Variants in PPM1L observed in about 807,000 individuals in gnomAD.
PPM1L encodes protein phosphatase, Mg2+/Mn2+ dependent 1L, also known as protein phosphatase 1L.
In PPM1L, 13 loss-of-function variants were observed where a neutral mutation model predicts 31.4. The observed-to-expected ratio is 0.41, with a 90% confidence interval of 0.27 to 0.66. The LOEUF (loss-of-function observed/expected upper bound fraction) is 0.66, where lower values mean the gene tolerates loss of function less well. PPM1L is among the 30% of genes least tolerant of loss of function. The pLI is 0.29. For synonymous variants in PPM1L, 184 were observed against 175.4 expected (o/e 1.05, Z -0.39); for missense variants, 326 against 453.7 (o/e 0.72, Z 2.56).
intron 2 of PPM1L, among the ~76,000 whole-genome samples, chr3:160,967,819 C>A (rs554492254): frequency 1.8e-4 from 28 of 152,140 alleles, no homozygotes; most frequent in Non-Finnish European, 3.1e-4. Flanking sequence ...ATATACGTGA[C>A]CTTGAGCAAG....
chr3:160,802,764 A>G (rs1271813870), intron 1 of PPM1L, among the ~76,000 whole-genome samples: 1 of 152,350 alleles, frequency 6.6e-6, no homozygotes, highest in African/African-American at 2.4e-5. Flanking sequence ...TTTCACTTTT[A>G]TCTTGGCAAA....
At chr3:160,783,239 T>A (rs1711798997) in intron 1 of PPM1L, among the ~76,000 whole-genome samples, 2 of 152,178 alleles carry the variant, frequency 1.3e-5, no homozygotes, top group Admixed American at 1.3e-4. Flanking sequence ...CCTGCAGTTA[T>A]ATTAGCACAT....
At chr3:160,969,270 C>T (rs149025810) in intron 2 of PPM1L, among the ~76,000 whole-genome samples, 2 of 152,266 alleles carry the variant, frequency 1.3e-5, no homozygotes, top group Admixed American at 6.5e-5. Context: ...TTTTTAAAAG[C>T]GTGGAGGAAT....
In PPM1L at chr3:161,034,515, A is replaced by G. The variant is rs184361264; in HGVS notation, c.575-30888A>G. ...CACCATATAATACCATGCAGCCATA[A>G]AGAAGGATGAGTTCATGTCCTTTGC... On this transcript the variant is annotated intron_variant, in intron 2 of 3. Coordinates refer to ENST00000498165, the MANE Select transcript of PPM1L (RefSeq NM_139245.4). Among the ~76,000 whole-genome samples the G allele has an allele frequency of 3.3e-5, 5 of 152,320 alleles. No homozygotes were observed. In the East Asian group the frequency reaches 7.7e-4, roughly 24 times the overall value.
intron 1 of PPM1L, among the ~76,000 whole-genome samples, chr3:160,915,915 G>A (rs572803512): frequency 6.6e-6 from 1 of 152,054 alleles, no homozygotes; most frequent in East Asian, 1.9e-4. Flanking sequence ...AATTCAAGAT[G>A]GATTAAAGAC....
At chr3:160,764,460 C>T (rs961852453) in intron 1 of PPM1L, among the ~76,000 whole-genome samples, 37 of 147,888 alleles carry the variant, frequency 2.5e-4, no homozygotes, top group African/African-American at 8.2e-4. Context: ...TTTAATTCTC[C>T]CTCTCTCTCT....
At chr3:160,967,131 A>G (rs188140733) in intron 2 of PPM1L, among the ~76,000 whole-genome samples, 1 of 151,928 alleles carries the variant, frequency 6.6e-6, no homozygotes, top group Non-Finnish European at 1.5e-5. Context: ...TGATGGTTTT[A>G]TAAAGGGAAG....
intron 3 of PPM1L, among the ~76,000 whole-genome samples, chr3:161,068,132 A>G (rs1719793895): frequency 6.6e-6 from 1 of 152,200 alleles, no homozygotes; most frequent in South Asian, 2.1e-4. Flanking sequence ...ATGTTCAGGG[A>G]CTGTGCCAAA....
chr3:160,997,122 A>G (rs1717348293), intron 2 of PPM1L, among the ~76,000 whole-genome samples: 1 of 152,072 alleles, frequency 6.6e-6, no homozygotes, highest in Admixed American at 6.6e-5. Flanking sequence ...GTGGTTGGAG[A>G]GAGAGATTTT....
At chr3:161,019,630 A>G (rs755778098) in intron 2 of PPM1L, among the ~76,000 whole-genome samples, 27 of 152,176 alleles carry the variant, frequency 1.8e-4, no homozygotes, top group Non-Finnish European at 3.1e-4. Context: ...TAGCAGTAAG[A>G]GTTTTGTATA....
rs541346593 is a variant in PPM1L at position 161,015,202 on chromosome 3, C to T, written c.575-50201C>T. Among the ~76,000 whole-genome samples the T allele has an allele frequency of 2.6e-4, 40 of 152,118 alleles. No individual in the cohort carries two copies. The East Asian group carries it at 4.6e-3, about 18-fold the overall frequency. ...TTCTATTTTTAAATTAATAATCATG[C>T]GCTATCCTTCCTTCCCCTAAACCAG... On this transcript the variant is annotated intron_variant, in intron 2 of 3. Transcript: ENST00000498165.
chr3:161,040,280 T>C (rs1445466299), intron 2 of PPM1L, among the ~76,000 whole-genome samples: 1 of 152,190 alleles, frequency 6.6e-6, no homozygotes, highest in Non-Finnish European at 1.5e-5. Flanking sequence ...GTACAATACA[T>C]AGTTTGATCA....
At chr3:160,957,926 T>C (rs1715833685) in intron 1 of PPM1L, among the ~76,000 whole-genome samples, 1 of 152,196 alleles carries the variant, frequency 6.6e-6, no homozygotes, top group Non-Finnish European at 1.5e-5. Context: ...ATGTTGAGCT[T>C]TTTTTCATGA....
intron 2 of PPM1L, among the ~76,000 whole-genome samples, chr3:161,005,654 A>G (rs1460615920): frequency 6.6e-6 from 1 of 152,174 alleles, no homozygotes; most frequent in Admixed American, 6.5e-5. Flanking sequence ...GAAATCAAAC[A>G]GTGGTATATA....
At chr3:160,814,494 CACATATATGTATGTGTATATATAT>C (rs1712905077) in intron 1 of PPM1L, among the ~76,000 whole-genome samples, 5 of 145,080 alleles carry the variant, frequency 3.4e-5, no homozygotes, top group East Asian at 4.0e-4. Flanking sequence ...CACACACACA[CACATATATGTATGTGTATATATAT>C]ACACACACAT....
intron 1 of PPM1L, among the ~76,000 whole-genome samples, chr3:160,826,650 G>A (rs1195109309): frequency 1.3e-5 from 2 of 152,060 alleles, no homozygotes; most frequent in Non-Finnish European, 2.9e-5. Flanking sequence ...ACAAATTGTG[G>A]AAGTGTTATC....
At chr3:160,882,790 T>C (rs926375822) in intron 1 of PPM1L, among the ~76,000 whole-genome samples, 2 of 152,258 alleles carry the variant, frequency 1.3e-5, no homozygotes, top group Non-Finnish European at 2.9e-5. Context: ...TATTTTACTT[T>C]ATTTTAAACA....
chr3:160,961,909 A>C lies in PPM1L; in HGVS notation c.573A>C (p.Ala191=), dbSNP rs748685055. 4 of 1,555,106 alleles carry C rather than the reference A, an allele frequency of 2.6e-6. No individual in the cohort carries two copies. The highest frequency in any genetic ancestry group is 3.5e-6 in the Non-Finnish European group (4 of 1,158,072). Residue 191 remains alanine, a splice_region_variant and synonymous_variant, in exon 2 of 4, where the codon GCA becomes GCC. Coordinates refer to ENST00000498165, the MANE Select transcript of PPM1L (RefSeq NM_139245.4). ...AATTGACTGTATCCTATGATGAAGC[A>C]GGTATGTTTGTTTTTAAAACACACA... ...LEKLTVSYDE[A]GTTCLIALLS...
chr3:160,797,701 T>C (rs1042364690), intron 1 of PPM1L, among the ~76,000 whole-genome samples: 6 of 152,216 alleles, frequency 3.9e-5, no homozygotes, highest in Non-Finnish European at 8.8e-5. Flanking sequence ...AAAGTTTTAG[T>C]GGCCTGCATA....
Sources: gnomAD v4.1 joint callset for allele counts (sites outside exome capture counted in the v4.1 genomes callset) on GRCh38, gnomAD v4.1.1 for gene constraint, MANE v1.5 for transcripts, NCBI Gene and HGNC (gene_info 2026-07-23, HGNC 2026-07-21) for gene names.